The following PTPRT variants were observed in gnomAD, a reference collection of about 807,000 sequenced individuals.
PTPRT encodes the protein protein tyrosine phosphatase receptor type T, also known as receptor-type tyrosine-protein phosphatase T.
PTPRT carries 56 observed loss-of-function variants against 176.8 expected under a neutral mutation model. That is an observed-to-expected ratio of 0.32 (90% CI 0.26 to 0.40). The LOEUF is 0.40. Ranked by LOEUF, PTPRT falls within the 10% of genes least tolerant of loss-of-function variation. The pLI, the probability that PTPRT is intolerant of heterozygous loss-of-function variation, is 1.00. For synonymous variants in PTPRT, 783 were observed against 739.0 expected (o/e 1.06, Z -0.96); for missense variants, 1,540 against 1,908.2 (o/e 0.81, Z 3.60).
chr20:42,664,481 AT>A (rs1252378457), intron 7 of PTPRT, among the ~76,000 whole-genome samples: 2 of 151,918 alleles, frequency 1.3e-5, no homozygotes, highest in Non-Finnish European at 2.9e-5. Context: ...TATTTTCTTT[AT>A]TTTTTTCTAG....
intron 6 of PTPRT, among the ~76,000 whole-genome samples, chr20:42,698,517 C>A (rs954652883): frequency 1.4e-4 from 21 of 152,306 alleles, no homozygotes; most frequent in African/African-American, 4.6e-4. Context: ...AAAATATCTT[C>A]ATGGGTTGCA....
chr20:42,691,613 C>T (rs1428662279), intron 6 of PTPRT, among the ~76,000 whole-genome samples: 3 of 152,184 alleles, frequency 2.0e-5, no homozygotes, highest in African/African-American at 4.8e-5. Context: ...AACTGAAAAA[C>T]GAGCTTCTTC....
At position 42,135,242 on chromosome 20, in the gene PTPRT, A is replaced by G. The variant is rs189299357; in HGVS notation, c.2771-6412T>C. Among the ~76,000 whole-genome samples, 490 of 152,380 alleles carry G rather than the reference A, an allele frequency of 3.2e-3. 2 individuals carry two copies. The highest frequency in any genetic ancestry group is 5.0e-3 in the Non-Finnish European group (337 of 68,034). On this transcript the variant is annotated intron_variant, in intron 18 of 30. Transcript: ENST00000373187. ...CTGAGCCTCTGTTTACCCAGCTATA[A>G]CATCCAAATCATATATAGCTGTGCA...
At chr20:42,149,704 G>A (rs576490137) in intron 17 of PTPRT, among the ~76,000 whole-genome samples, 20 of 152,276 alleles carry the variant, frequency 1.3e-4, no homozygotes, top group African/African-American at 2.9e-4. Context: ...GATTACAGGC[G>A]TGAGCCACCG....
At chr20:42,714,833 G>A (rs1259648900) in intron 6 of PTPRT, among the ~76,000 whole-genome samples, 2 of 152,194 alleles carry the variant, frequency 1.3e-5, no homozygotes, top group African/African-American at 2.4e-5. Flanking sequence ...TTGTGAGGAA[G>A]GGTACCAGAG....
chr20:42,290,893 T>C (rs1600789753), intron 12 of PTPRT, among the ~76,000 whole-genome samples: 1 of 152,070 alleles, frequency 6.6e-6, no homozygotes. Flanking sequence ...CCAGAAAGAC[T>C]TGGGTTAGGC....
chr20:43,124,466 G>A (rs775284664), intron 1 of PTPRT, among the ~76,000 whole-genome samples: 24 of 151,998 alleles, frequency 1.6e-4, no homozygotes, highest in Non-Finnish European at 2.6e-4. Flanking sequence ...AAATAATCCC[G>A]GGCTGGCTTT....
In PTPRT at chr20:42,352,180, G is replaced by A. The variant is rs140998965; in HGVS notation, c.1666C>T (p.Leu556=). 7 of 1,614,160 alleles carry A rather than the reference G, an allele frequency of 4.3e-6. No homozygotes were observed. The highest frequency in any genetic ancestry group is 2.2e-5 in the East Asian group (1 of 44,882). Residue 556 remains leucine (L), a synonymous_variant, in exon 10 of 31, where the codon CTG becomes TTG. Transcript: ENST00000373187. ...AAGGAATAGGTGGTCCCTGGGTACA[G>A]ACCCACAAAGAGGTGGTGGGTTTCA... ...RNETHHLFVG[L]YPGTTYSFTI...
the PTPRT span, among the ~76,000 whole-genome samples, chr20:42,052,920 GCTAA>G: frequency 6.6e-6 from 1 of 152,138 alleles, no homozygotes; most frequent in Admixed American, 6.5e-5. Flanking sequence ...GCAGCAATTG[GCTAA>G]CTTTTTCTGT....
At chr20:42,227,197 G>A (rs1391845066) in intron 15 of PTPRT, among the ~76,000 whole-genome samples, 1 of 151,932 alleles carries the variant, frequency 6.6e-6, no homozygotes, top group Non-Finnish European at 1.5e-5. Flanking sequence ...AGGAAGGGAA[G>A]AGGAAAGAAG....
At chr20:42,343,399 G>A (rs2058141100) in intron 11 of PTPRT, among the ~76,000 whole-genome samples, 1 of 152,118 alleles carries the variant, frequency 6.6e-6, no homozygotes, top group African/African-American at 2.4e-5. Context: ...CCAACACCCT[G>A]CCCCTTGGAG....
intron 7 of PTPRT, among the ~76,000 whole-genome samples, chr20:42,541,139 A>T (rs984127016): frequency 6.6e-6 from 1 of 152,126 alleles, no homozygotes; most frequent in Admixed American, 6.5e-5. Flanking sequence ...TTAAAAATAT[A>T]AAAAAATATA....
chr20:42,061,598 G>C, the PTPRT span, among the ~76,000 whole-genome samples: 1 of 151,766 alleles, frequency 6.6e-6, no homozygotes, highest in South Asian at 2.1e-4. Context: ...CATTAATTTT[G>C]CTTTGTCTTT....
At chr20:42,822,423 T>C (rs2077911091) in intron 2 of PTPRT, among the ~76,000 whole-genome samples, 1 of 152,118 alleles carries the variant, frequency 6.6e-6, no homozygotes, top group African/African-American at 2.4e-5. Flanking sequence ...AAGACTTAAA[T>C]GTAAAACCCA....
At chr20:42,572,119 T>G (rs527618136) in intron 7 of PTPRT, among the ~76,000 whole-genome samples, 9 of 152,286 alleles carry the variant, frequency 5.9e-5, no homozygotes, top group African/African-American at 2.2e-4. Flanking sequence ...GGTGACTTTA[T>G]GCATGCTCAC....
chr20:42,447,638 G>A, intron 9 of PTPRT, among the ~76,000 whole-genome samples: 1 of 152,140 alleles, frequency 6.6e-6, no homozygotes, highest in East Asian at 1.9e-4. Flanking sequence ...GGCACATTGT[G>A]TTGGCTTGAT....
intron 6 of PTPRT, among the ~76,000 whole-genome samples, chr20:42,683,396 G>A (rs2075638069): frequency 6.6e-6 from 1 of 151,964 alleles, no homozygotes; most frequent in Non-Finnish European, 1.5e-5. Context: ...TCCTGCCTCA[G>A]TCTCCCAAGT....
chr20:42,139,301 G>A (rs1268418328), intron 18 of PTPRT, among the ~76,000 whole-genome samples: 3 of 152,128 alleles, frequency 2.0e-5, no homozygotes, highest in Non-Finnish European at 4.4e-5. Flanking sequence ...ACCCATCAAG[G>A]TGGTATCGTC....
chr20:42,352,229 C>A lies in PTPRT; in HGVS notation c.1617G>T (p.Arg539Ser), dbSNP rs772074538. 6.2e-7 allele frequency: 1 copy of A among 1,614,156 alleles called. No homozygotes were observed. Among genetic ancestry groups the A allele is most frequent in the Non-Finnish European group, 8.5e-7 (1 of 1,180,028 alleles). ...LDPSADLSSQ[R>S]GKVFKLRNET... ...CATTCCGGAGCTTGAACACTTTCCC[C>A]CTCTGGCTCGAGAGGTCAGCACTTG... Residue 539 changes from arginine (R) to serine (S), a missense_variant, in exon 10 of 31, where the codon AGG (arginine) becomes AGT (serine). Arg to Ser is a moderately radical substitution (Grantham distance 110). Coordinates refer to ENST00000373187, the MANE Select transcript of PTPRT (RefSeq NM_007050.6).
Sources: gnomAD v4.1 joint callset for allele counts (sites outside exome capture counted in the v4.1 genomes callset) on GRCh38, gnomAD v4.1.1 for gene constraint, MANE v1.5 for transcripts, NCBI Gene and HGNC (gene_info 2026-07-23, HGNC 2026-07-21) for gene names.